The following DLC1 variants were observed in gnomAD, a reference collection of about 807,000 sequenced individuals.
DLC1 encodes DLC1 Rho GTPase activating protein, also known as rho GTPase-activating protein 7.
DLC1 carries 54 observed loss-of-function variants against 140.3 expected under a neutral mutation model. The ratio of observed to expected loss-of-function variants is 0.38; its 90% confidence interval spans 0.31 to 0.48. The LOEUF (loss-of-function observed/expected upper bound fraction) is 0.48. DLC1 is among the 20% of genes least tolerant of loss of function. DLC1 has a pLI of 0.96. For missense variants in DLC1, 2,536 were observed against 1,907.0 expected (o/e 1.33, Z -6.14); for synonymous variants, 986 against 728.1 (o/e 1.35, Z -5.70).
chr8:13,381,483 A>G (rs1244367787), intron 4 of DLC1, among the ~76,000 whole-genome samples: 1 of 152,204 alleles, frequency 6.6e-6, no homozygotes, highest in Non-Finnish European at 1.5e-5. Flanking sequence ...TGACCAGTAG[A>G]ATACAAGAGA....
intron 4 of DLC1, among the ~76,000 whole-genome samples, chr8:13,347,876 T>C (rs1586179096): frequency 6.6e-6 from 1 of 152,222 alleles, no homozygotes; most frequent in East Asian, 1.9e-4. Context: ...GATCACAAGG[T>C]CAGGATATCG....
intron 5 of DLC1, among the ~76,000 whole-genome samples, chr8:13,235,479 A>T (rs938966629): frequency 6.6e-6 from 1 of 152,066 alleles, no homozygotes; most frequent in Non-Finnish European, 1.5e-5. Context: ...CAGAATGACA[A>T]CTTTCTTCAA....
At chr8:13,546,724 A>C (rs367724821) in intron 1 of DLC1, among the ~76,000 whole-genome samples, 7 of 152,118 alleles carry the variant, frequency 4.6e-5, no homozygotes, top group African/African-American at 1.7e-4. Flanking sequence ...CATGCTTGCA[A>C]CAAGCTCAAT....
chr8:13,547,997 A>G (rs546218058), intron 1 of DLC1, among the ~76,000 whole-genome samples: 19 of 152,212 alleles, frequency 1.2e-4, no homozygotes, highest in African/African-American at 4.3e-4. Flanking sequence ...TTCTACATGC[A>G]TGAATTTAAA....
At chr8:13,277,037 T>C (rs1249520785) in intron 5 of DLC1, among the ~76,000 whole-genome samples, 3 of 152,164 alleles carry the variant, frequency 2.0e-5, no homozygotes, top group African/African-American at 7.2e-5. Context: ...AATGGAGACC[T>C]GAGAGGCCAG....
intron 5 of DLC1, among the ~76,000 whole-genome samples, chr8:13,250,609 G>T (rs536880828): frequency 6.6e-6 from 1 of 152,242 alleles, no homozygotes; most frequent in East Asian, 1.9e-4. Flanking sequence ...ACTGAATAAC[G>T]ATAAGGCTTT....
intron 4 of DLC1, among the ~76,000 whole-genome samples, chr8:13,330,788 C>A (rs1339737554): frequency 6.6e-6 from 1 of 152,168 alleles, no homozygotes; most frequent in Admixed American, 6.5e-5. Context: ...ACTTGTTAAA[C>A]TTTTCTTCAG....
intron 7 of DLC1, among the ~76,000 whole-genome samples, chr8:13,105,524 C>G (rs899516572): frequency 4.0e-5 from 6 of 151,874 alleles, no homozygotes; most frequent in African/African-American, 1.5e-4. Flanking sequence ...CAGATCTTGT[C>G]TAAGTCCACA....
chr8:13,415,677 G>A (rs1490597300), intron 2 of DLC1, among the ~76,000 whole-genome samples: 2 of 152,110 alleles, frequency 1.3e-5, no homozygotes, highest in African/African-American at 4.8e-5. Context: ...GGGATTACAG[G>A]CATGAGCCAC....
chr8:13,404,559 T>G lies in DLC1; in HGVS notation c.1024-2940A>C, dbSNP rs289589. Among the ~76,000 whole-genome samples, 529 of 152,130 alleles carry G rather than the reference T, an allele frequency of 3.5e-3. 28 individuals carry two copies. The East Asian group carries it at 0.092, about 26-fold the overall frequency. Reference sequence around the variant, plus strand: ...AATAACATACTAAAATAACACATTTTATTTTTTAAATACATTTATTTTCCT... The same window carrying G: ...AATAACATACTAAAATAACACATTTGATTTTTTAAATACATTTATTTTCCT... On this transcript the variant is annotated intron_variant, in intron 2 of 17. Coordinates refer to ENST00000276297, the MANE Select transcript of DLC1 (RefSeq NM_182643.3).
chr8:13,261,792 A>G (rs1270530615), intron 5 of DLC1, among the ~76,000 whole-genome samples: 1 of 152,214 alleles, frequency 6.6e-6, no homozygotes, highest in African/African-American at 2.4e-5. Context: ...TTGGAAAGAC[A>G]AAAAGCTCAA....
chr8:13,187,235 C>T (rs571199618), intron 5 of DLC1, among the ~76,000 whole-genome samples: 1 of 152,118 alleles, frequency 6.6e-6, no homozygotes, highest in Non-Finnish European at 1.5e-5. Context: ...TTGTTTGCCT[C>T]TCACCTGTAG....
intron 4 of DLC1, among the ~76,000 whole-genome samples, chr8:13,373,129 C>G (rs1835803335): frequency 6.6e-6 from 1 of 152,174 alleles, no homozygotes. Context: ...ATTCCTCCGG[C>G]CTAGATGTCC....
intron 2 of DLC1, among the ~76,000 whole-genome samples, chr8:13,423,471 C>A (rs1039107927): frequency 6.6e-6 from 1 of 152,036 alleles, no homozygotes; most frequent in African/African-American, 2.4e-5. Flanking sequence ...GGTATAGTTT[C>A]ATCTCTCTGT....
chr8:13,595,628 G>C (rs1431237489), intron 1 of DLC1, among the ~76,000 whole-genome samples: 2 of 151,966 alleles, frequency 1.3e-5, no homozygotes, highest in African/African-American at 4.8e-5. Context: ...GACTCTTATT[G>C]AGTCTGGGTG....
At chr8:13,122,054 T>C (rs1355929982) in intron 5 of DLC1, among the ~76,000 whole-genome samples, 1 of 152,258 alleles carries the variant, frequency 6.6e-6, no homozygotes, top group African/African-American at 2.4e-5. Context: ...AACAGCCTCC[T>C]CACGGAACTC....
chr8:13,325,345 T>C (rs1457803444), intron 4 of DLC1, among the ~76,000 whole-genome samples: 2 of 152,148 alleles, frequency 1.3e-5, no homozygotes, highest in Admixed American at 6.6e-5. Flanking sequence ...GATAATGTGA[T>C]ACGTACAAGA....
chr8:13,440,666 A>T, intron 2 of DLC1, among the ~76,000 whole-genome samples: 1 of 152,124 alleles, frequency 6.6e-6, no homozygotes. Context: ...TATTTCTCCC[A>T]GAACTCCCAT....
At chr8:13,475,704 A>G (rs576832955) in intron 2 of DLC1, among the ~76,000 whole-genome samples, 3 of 152,194 alleles carry the variant, frequency 2.0e-5, no homozygotes, top group African/African-American at 7.2e-5. Flanking sequence ...TGAGGCTGGT[A>G]CTCAAATCCC....
Sources: gnomAD v4.1 joint callset for allele counts (sites outside exome capture counted in the v4.1 genomes callset) on GRCh38, gnomAD v4.1.1 for gene constraint, MANE v1.5 for transcripts, NCBI Gene and HGNC (gene_info 2026-07-23, HGNC 2026-07-21) for gene names.